ST3GAL5: variants seen among roughly 807,000 people sequenced by gnomAD.
ST3GAL5 encodes ST3 beta-galactoside alpha-2,3-sialyltransferase 5, also known as lactosylceramide alpha-2,3-sialyltransferase.
A neutral mutation model predicts 46.1 loss-of-function variants in ST3GAL5; 25 were observed. The observed-to-expected ratio is 0.54, with a 90% CI of 0.40 to 0.76. The LOEUF (loss-of-function observed/expected upper bound fraction) is 0.76. ST3GAL5 is among the 30% of genes least tolerant of loss of function. The pLI is 0.00. For missense variants in ST3GAL5, 431 were observed against 521.2 expected, an observed-to-expected ratio of 0.83 and a Z score of 1.69; for synonymous variants, 182 against 192.7, an observed-to-expected ratio of 0.94 and a Z score of 0.46.
intron 1 of ST3GAL5, among the ~76,000 whole-genome samples, chr2:85,878,509 G>C (rs908911724): frequency 3.3e-5 from 5 of 152,088 alleles, no homozygotes; most frequent in Non-Finnish European, 7.3e-5. Context: ...CCAGAAGCAA[G>C]GAGAGAAGTT....
intron 1 of ST3GAL5, among the ~76,000 whole-genome samples, chr2:85,881,662 T>C (rs1266234572): frequency 6.6e-6 from 1 of 152,170 alleles, no homozygotes. Context: ...ATTTAGGGTA[T>C]CTGGTGGAAG....
At chr2:85,847,542 C>T in intron 4 of ST3GAL5, 1 of 1,125,906 alleles carries the variant, frequency 8.9e-7, no homozygotes, top group Non-Finnish European at 1.1e-6. Flanking sequence ...GCCACACTGA[C>T]CAAGAGCAGT....
Position 85,837,637 on chromosome 2 carries a change from T to C in ST3GAL5, c.*2507A>G, listed in dbSNP as rs1284358954. ...GTGACAGATATCCCAGTTACACAGA[T>C]TTGCTCCTTATAATTACACAAATGT... On this transcript the variant is annotated 3_prime_UTR_variant, in exon 7 of 7. Coordinates refer to ENST00000638572, the MANE Select transcript of ST3GAL5 (RefSeq NM_003896.4). 6.6e-6 allele frequency: 1 copy of C among 152,176 alleles called. No individual in the cohort carries two copies. Among genetic ancestry groups the C allele is most frequent in the Non-Finnish European group, 1.5e-5 (1 of 68,024 alleles). 9.4% of individuals were successfully genotyped at this position (152,176 alleles called of 1,614,324 possible).
At chr2:85,868,078 G>A (rs4553826) in intron 1 of ST3GAL5, 86,165 of 203,040 alleles carry the variant, frequency 0.42, 18,995 homozygotes, top group Admixed American at 0.55. Context: ...ACAGACAAAC[G>A]GCAGAGTGGC....
rs570143156 is a variant in ST3GAL5 at position 85,853,817 on chromosome 2, A to G, written c.319-5613T>C. 2.0e-5 allele frequency: 3 copies of G among 152,308 alleles called. No individual in the cohort carries two copies. The South Asian group carries it at 6.2e-4, about 32-fold the overall frequency. 9.4% of individuals were successfully genotyped at this position (152,308 alleles called of 1,614,324 possible). ...ATAGGCAACTCTTGCCATTCCTCTCATGTGCAAAGCATTCTGAGGCCTGCA... is the reference window on the plus strand; with the variant it reads ...ATAGGCAACTCTTGCCATTCCTCTCGTGTGCAAAGCATTCTGAGGCCTGCA... On this transcript the variant is annotated intron_variant, in intron 3 of 6. Coordinates refer to ENST00000638572, the MANE Select transcript of ST3GAL5 (RefSeq NM_003896.4).
At chr2:85,862,906 T>C (rs1474037360) in intron 2 of ST3GAL5, among the ~76,000 whole-genome samples, 2 of 152,230 alleles carry the variant, frequency 1.3e-5, no homozygotes, top group African/African-American at 4.8e-5. Flanking sequence ...CTTGATTAAT[T>C]CTATCACTTA....
At chr2:85,840,717 G>GGGCGGATCACGAGGTC (rs1681926202) in intron 6 of ST3GAL5, among the ~76,000 whole-genome samples, 1 of 151,926 alleles carries the variant, frequency 6.6e-6, no homozygotes, top group Non-Finnish European at 1.5e-5. Context: ...AGGCCGAGGT[G>GGGCGGATCACGAGGTC]GGCGGATCAC....
intron 1 of ST3GAL5, chr2:85,880,939 G>A (rs939768403): frequency 3.9e-6 from 2 of 517,696 alleles, no homozygotes; most frequent in African/African-American, 3.9e-5. Context: ...CAGATTTGGG[G>A]TGTATGTGTG....
At chr2:85,840,940 C>T (rs1405651551) in intron 6 of ST3GAL5, among the ~76,000 whole-genome samples, 1 of 47,642 alleles carries the variant, frequency 2.1e-5, no homozygotes, top group South Asian at 1.2e-3. Context: ...AAGACTCTGT[C>T]TCAAAAAAAA....
chr2:85,850,119 A>G (rs966706650), intron 3 of ST3GAL5: 1 of 152,164 alleles, frequency 6.6e-6, no homozygotes, highest in Non-Finnish European at 1.5e-5. Flanking sequence ...TATAGCTTTG[A>G]TAAGTTGTTA....
At position 85,864,712 on chromosome 2, in the gene ST3GAL5, C is replaced by T. The variant is rs112815874; in HGVS notation, c.83-1227G>A. On this transcript the variant is annotated intron_variant, in intron 1 of 6. Transcript: ENST00000638572. ...CAATTTTCAAGTTCTAAATAATATTCCAATAGTACTGTAGTAGGGATTGGT... is the reference window on the plus strand; with the variant it reads ...CAATTTTCAAGTTCTAAATAATATTTCAATAGTACTGTAGTAGGGATTGGT... Among the ~76,000 whole-genome samples, 87 of 152,116 alleles carry T rather than the reference C, an allele frequency of 5.7e-4. 2 individuals carry two copies. The highest frequency in any genetic ancestry group is 2.0e-3 in the African/African-American group (84 of 41,498).
At chr2:85,848,478 A>G in intron 3 of ST3GAL5, 1 of 1,227,712 alleles carries the variant, frequency 8.1e-7, no homozygotes, top group Non-Finnish European at 1.1e-6. Context: ...CCCCCAGCCT[A>G]ACACTGTTCA....
rs2104578690 is a variant in ST3GAL5, at chr2:85,839,202, T to A, written c.*942A>T. ...CTTTTTAAACTGGCACACTGCCTGG[T>A]ATACACCGCCAGGTAGGCATTCAGA... On this transcript the variant is annotated 3_prime_UTR_variant, in exon 7 of 7. Coordinates refer to ENST00000638572, the MANE Select transcript of ST3GAL5 (RefSeq NM_003896.4). The A allele has an allele frequency of 6.6e-6, 1 of 152,396 alleles. No individual in the cohort carries two copies. The highest frequency in any genetic ancestry group is 2.1e-4 in the South Asian group (1 of 4,830). 9.4% of individuals were successfully genotyped at this position (152,396 alleles called of 1,614,324 possible).
chr2:85,874,796 T>A (rs188129376), intron 1 of ST3GAL5, among the ~76,000 whole-genome samples: 7 of 151,224 alleles, frequency 4.6e-5, no homozygotes, highest in African/African-American at 1.5e-4. Flanking sequence ...ATCAGTGGCC[T>A]GCAACTAGAT....
intron 1 of ST3GAL5, among the ~76,000 whole-genome samples, chr2:85,885,401 A>G (rs1052240467): frequency 1.3e-5 from 2 of 152,160 alleles, no homozygotes; most frequent in African/African-American, 4.8e-5. Flanking sequence ...AGGTGACCAC[A>G]CTTGCTGGCA....
At chr2:85,862,075 T>C (rs1684793091) in intron 2 of ST3GAL5, among the ~76,000 whole-genome samples, 1 of 152,128 alleles carries the variant, frequency 6.6e-6, no homozygotes, top group Non-Finnish European at 1.5e-5. Flanking sequence ...TAATATATTA[T>C]ACATAATAGA....
In ST3GAL5 at chr2:85,888,898, G is replaced by T. The variant is rs913893607; in HGVS notation, c.8C>A (p.Thr3Lys). The change falls in exon 1 of 7, where the codon ACG (threonine) becomes AAG (lysine). Residue 3 changes from threonine to lysine, a missense_variant. By Grantham distance (78) the Thr-to-Lys change is moderately conservative. Coordinates refer to ENST00000638572, the MANE Select transcript of ST3GAL5 (RefSeq NM_003896.4). MRTKAAGCAERRP... is the reference protein window; with the variant it reads MRKKAAGCAERRP... ...CCGCTCCGCGCAGCCCGCCGCCTTCGTCCGCATACTAATGAGGGGGCGCCG... is the reference window on the plus strand; with the variant it reads ...CCGCTCCGCGCAGCCCGCCGCCTTCTTCCGCATACTAATGAGGGGGCGCCG... 2.9e-6 allele frequency: 4 copies of T among 1,372,180 alleles called. No individual in the cohort carries two copies. The highest frequency in any genetic ancestry group is 3.8e-6 in the Non-Finnish European group (4 of 1,055,814). 85.0% of individuals were successfully genotyped at this position (1,372,180 alleles called of 1,614,324 possible). A position where few individuals can be genotyped will look rare whatever the true frequency, so the allele number is the denominator to read the frequency against.
chr2:85,867,988 C>T, intron 1 of ST3GAL5: 4 of 280,744 alleles, frequency 1.4e-5, no homozygotes, highest in Non-Finnish European at 2.9e-5. Flanking sequence ...GCTCAGCAGG[C>T]ATTACTTCTT....
chr2:85,837,694 C>T lies in ST3GAL5; in HGVS notation c.*2450G>A, dbSNP rs1681616712. The T allele has an allele frequency of 6.6e-6, 1 of 152,138 alleles. No homozygotes were observed. Among genetic ancestry groups the T allele is most frequent in the Non-Finnish European group, 1.5e-5 (1 of 68,014 alleles). 9.4% of individuals were successfully genotyped at this position (152,138 alleles called of 1,614,324 possible). On this transcript the variant is annotated 3_prime_UTR_variant, in exon 7 of 7. Coordinates refer to ENST00000638572, the MANE Select transcript of ST3GAL5 (RefSeq NM_003896.4). ...TTATCACATGGACCCTCAAAATATG[C>T]ACATCACTATGTATCAATCAAAAAT...
Sources: gnomAD v4.1 joint callset for allele counts (sites outside exome capture counted in the v4.1 genomes callset) on GRCh38, gnomAD v4.1.1 for gene constraint, MANE v1.5 for transcripts, NCBI Gene and HGNC (gene_info 2026-07-23, HGNC 2026-07-21) for gene names.